HOXA3: variants seen among roughly 807,000 people sequenced by gnomAD.
HOXA3 encodes homeobox protein Hox-A3.
In HOXA3, 8 loss-of-function variants were observed where a neutral mutation model predicts 30.3. The observed-to-expected ratio is 0.26, with a 90% CI of 0.15 to 0.48. The LOEUF (loss-of-function observed/expected upper bound fraction) is 0.48. Ranked by LOEUF, HOXA3 falls within the 20% of genes least tolerant of loss-of-function variation. The pLI, the probability that HOXA3 is intolerant of heterozygous loss-of-function variation, is 0.99. For synonymous variants in HOXA3, 323 were observed against 273.1 expected, an observed-to-expected ratio of 1.18 and a Z score of -1.80; for missense variants, 653 against 614.4, an observed-to-expected ratio of 1.06 and a Z score of -0.66.
At chr7:27,109,888 G>A (rs1784262418) in intron 5 of HOXA3, 1 of 590,958 alleles carries the variant, frequency 1.7e-6, no homozygotes, top group Non-Finnish European at 3.0e-6. Context: ...TGCCCTTGGA[G>A]AAGTCCAGAG....
chr7:27,135,127 CT>C (rs1219317143), intron 2 of HOXA3, among the ~76,000 whole-genome samples: 1 of 151,938 alleles, frequency 6.6e-6, no homozygotes, highest in African/African-American at 2.4e-5. Context: ...ACACTATTCT[CT>C]TTCTTTTCTG....
chr7:27,129,308 G>T lies in HOXA3; in HGVS notation c.-389-2238C>A, dbSNP rs200725670. ...GGGCTCTGAGTTTGTGCTTTCCCTG[G>T]TGGGCCGGCAGAGGCCGAGGCCGAA... On this transcript the variant is annotated intron_variant, in intron 2 of 5. Coordinates refer to ENST00000612286, the MANE Select transcript of HOXA3 (RefSeq NM_153631.3). The T allele has an allele frequency of 2.2e-5, 35 of 1,614,172 alleles. No individual in the cohort carries two copies. The Admixed American group carries it at 5.8e-4, about 27-fold the overall frequency.
chr7:27,147,554 C>G (rs1393891121), intron 1 of HOXA3: 1 of 1,614,084 alleles, frequency 6.2e-7, no homozygotes, highest in Admixed American at 1.7e-5. Flanking sequence ...CGGTTGCAGG[C>G]CAGGACCGAG....
rs1266226074 is a variant in HOXA3, at chr7:27,108,793, C to A, written c.527-73G>T. On this transcript the variant is annotated intron_variant, in intron 5 of 5. Transcript: ENST00000612286. The surrounding 1 kb of genome is among the most constrained non-coding windows in gnomAD (Gnocchi z 5.0). ...CCGCCCAGCCCCTGACCCAGCCCGG[C>A]CCCTCCTTCCACCAGGCCCCAAAGG... 4.2e-6 allele frequency: 5 copies of A among 1,199,156 alleles called. No individual in the cohort carries two copies. Among genetic ancestry groups the A allele is most frequent in the African/African-American group, 3.1e-5 (2 of 65,336 alleles). The allele number at this position is 1,199,156 out of a possible 1,614,324, so 74.3% of individuals were successfully genotyped here. A position where few individuals can be genotyped will look rare whatever the true frequency, so the allele number is the denominator to read the frequency against.
At chr7:27,120,556 A>G (rs1410659820) in intron 4 of HOXA3, among the ~76,000 whole-genome samples, 6 of 143,796 alleles carry the variant, frequency 4.2e-5, no homozygotes, top group Non-Finnish European at 6.1e-5. Flanking sequence ...AAAAAAAAAA[A>G]GCCATAAATC....
intron 1 of HOXA3, among the ~76,000 whole-genome samples, chr7:27,146,876 C>A (rs17472028): frequency 6.6e-6 from 1 of 152,202 alleles, no homozygotes; most frequent in African/African-American, 2.4e-5. Flanking sequence ...CCTCTCTGTA[C>A]GGGTTTCTGA....
At chr7:27,147,251 T>G (rs1449698051) in intron 1 of HOXA3, 8 of 1,475,066 alleles carry the variant, frequency 5.4e-6, no homozygotes, top group African/African-American at 1.4e-5. Flanking sequence ...CCTCCTTCTT[T>G]CTTTCTTTTC....
chr7:27,143,306 A>G (rs1390012104), intron 1 of HOXA3: 27 of 1,600,672 alleles, frequency 1.7e-5, no homozygotes, highest in Non-Finnish European at 2.3e-5. Context: ...GGAGCAGGGC[A>G]GCGGATCGGG....
chr7:27,130,556 G>A (rs1391659698), intron 2 of HOXA3: 4 of 1,431,790 alleles, frequency 2.8e-6, no homozygotes, highest in Non-Finnish European at 3.7e-6. Flanking sequence ...GCGTGAGGGA[G>A]CTGGGGCTGC....
At chr7:27,115,088 C>T (rs1784643753) in intron 4 of HOXA3, among the ~76,000 whole-genome samples, 1 of 149,894 alleles carries the variant, frequency 6.7e-6, no homozygotes, top group African/African-American at 2.5e-5. Flanking sequence ...TTGCTGCAAT[C>T]CCAAGGCGTC....
At chr7:27,130,601 G>A (rs753251578) in intron 2 of HOXA3, 6 of 1,537,206 alleles carry the variant, frequency 3.9e-6, no homozygotes, top group African/African-American at 1.4e-5. Context: ...GGCGCTGGGG[G>A]CTGCTGGTAG....
rs200228241 is a variant in HOXA3 at position 27,108,745 on chromosome 7, C to G, written c.527-25G>C. The G allele has an allele frequency of 5.6e-3, 8,744 of 1,550,156 alleles. 47 individuals are homozygous for G. The highest frequency in any genetic ancestry group is 6.7e-3 in the Non-Finnish European group (7,727 of 1,146,934). ...CCTGCGAGGACAGAGAGAGGAAGAG[C>G]GGCGTCAGGGGCTGCCGCGGCCCCG... On this transcript the variant is annotated intron_variant, in intron 5 of 5. Coordinates refer to ENST00000612286, the MANE Select transcript of HOXA3 (RefSeq NM_153631.3). This position sits in a 1 kb window ranked among gnomAD's most constrained non-coding sequence, Gnocchi z 5.0.
chr7:27,142,141 A>AG, intron 1 of HOXA3: 4 of 1,576,712 alleles, frequency 2.5e-6, no homozygotes, highest in Non-Finnish European at 3.4e-6. Context: ...AAAGTCCGCC[A>AG]GGGGGACAAG....
chr7:27,145,467 GT>G, intron 1 of HOXA3: 1 of 709,188 alleles, frequency 1.4e-6, no homozygotes. Context: ...GTTTTGTTTT[GT>G]TTTGTTTTGT....
At chr7:27,147,818 A>G (rs1782832425) in intron 1 of HOXA3, 2 of 1,373,162 alleles carry the variant, frequency 1.5e-6, no homozygotes, top group African/African-American at 2.9e-5. Context: ...ATTAGTAGTC[A>G]TCGAACTGGT....
At position 27,108,693 on chromosome 7, in the gene HOXA3, G is replaced by A. The variant is rs909441206; in HGVS notation, c.554C>T (p.Pro185Leu). The A allele has an allele frequency of 1.2e-6, 2 of 1,606,048 alleles. No homozygotes were observed. Among genetic ancestry groups the A allele is most frequent in the Admixed American group, 1.7e-5 (1 of 59,660 alleles). Residue 185 changes from proline (P) to leucine (L), a missense_variant, in exon 6 of 6, where the codon CCG becomes CTG. By Grantham distance (98) the Pro-to-Leu change is moderately conservative. Coordinates refer to ENST00000612286, the MANE Select transcript of HOXA3 (RefSeq NM_153631.3). The surrounding 1 kb of genome is among the most constrained non-coding windows in gnomAD (Gnocchi z 5.0). ...SGESCAGDKS[P>L]PGQASSKRAR... is the part of the protein sequence containing the mutation. Reference sequence around the variant, plus strand: ...GCGCTTGGACGAAGCCTGCCCCGGCGGGCTCTTGTCGCCAGCGCAGCTTTC... The same window carrying A: ...GCGCTTGGACGAAGCCTGCCCCGGCAGGCTCTTGTCGCCAGCGCAGCTTTC...
rs141474913 is a variant in HOXA3 at position 27,145,792 on chromosome 7, T to A, written c.-493-5606A>T. 2.8e-5 allele frequency: 45 copies of A among 1,614,148 alleles called. No homozygotes were observed. The Middle Eastern group carries it at 6.6e-4, about 24-fold the overall frequency. On this transcript the variant is annotated intron_variant, in intron 1 of 5. Transcript: ENST00000612286. ...TGGCGCTCGGTGAGGCAGAGCGCGTTGGCGATCTCGATGCGGCGGCGCCGT... is the reference window on the plus strand; with the variant it reads ...TGGCGCTCGGTGAGGCAGAGCGCGTAGGCGATCTCGATGCGGCGGCGCCGT...
intron 2 of HOXA3, chr7:27,130,935 C>A: frequency 1.6e-6 from 1 of 606,996 alleles, no homozygotes; most frequent in East Asian, 3.0e-5. Flanking sequence ...GCCCAGCGCG[C>A]GCCCCGCCCC....
Position 27,107,891 on chromosome 7 carries a change from T to C in HOXA3, c.*24A>G. 6.9e-7 allele frequency: 1 copy of C among 1,451,964 alleles called. No individual in the cohort carries two copies. Among genetic ancestry groups the C allele is most frequent in the African/African-American group, 1.4e-5 (1 of 69,082 alleles). The allele number at this position is 1,451,964 out of a possible 1,614,324, so 89.9% of individuals were successfully genotyped here. ...AAAGGTGGGTGGGGGGAGACTCTCC[T>C]GGCGCGTAGCCCCAAGCCCACTATC... On this transcript the variant is annotated 3_prime_UTR_variant, in exon 6 of 6. Coordinates refer to ENST00000612286, the MANE Select transcript of HOXA3 (RefSeq NM_153631.3).
Sources: gnomAD v4.1 joint callset for allele counts (sites outside exome capture counted in the v4.1 genomes callset) on GRCh38, gnomAD v4.1.1 for gene constraint, Gnocchi (gnomAD v3.1) non-coding constraint, MANE v1.5 for transcripts, NCBI Gene and HGNC (gene_info 2026-07-23, HGNC 2026-07-21) for gene names.